Variants in TLL1 observed in about 807,000 individuals in gnomAD.
TLL1 encodes the protein tolloid-like protein 1.
In TLL1, 49 loss-of-function variants were observed where a neutral mutation model predicts 128.2. The ratio of observed to expected loss-of-function variants is 0.38; its 90% CI spans 0.30 to 0.48. The LOEUF (loss-of-function observed/expected upper bound fraction) is 0.48. Among genes scored for constraint, TLL1 ranks in the 20% least tolerant of loss-of-function variants. TLL1 has a pLI of 0.96. For missense variants in TLL1, 1,123 were observed against 1,242.0 expected (o/e 0.90, Z 1.44); for synonymous variants, 454 against 418.8 (o/e 1.08, Z -1.03).
At chr4:166,026,852 A>G (rs2111072002) in intron 9 of TLL1, among the ~76,000 whole-genome samples, 1 of 152,330 alleles carries the variant, frequency 6.6e-6, no homozygotes, top group Non-Finnish European at 1.5e-5. Context: ...TGAGAGTAAA[A>G]GAATCTTTTG....
Position 165,873,688 on chromosome 4 carries a change from C to T in TLL1, c.-217C>T. 1 of 555,650 alleles carries T rather than the reference C, an allele frequency of 1.8e-6. No individual in the cohort carries two copies. The highest frequency in any genetic ancestry group is 3.2e-6 in the Non-Finnish European group (1 of 311,406). The allele number at this position is 555,650 out of a possible 1,614,324, so 34.4% of individuals were successfully genotyped here. On this transcript the variant is annotated 5_prime_UTR_variant, in exon 1 of 21. Coordinates refer to ENST00000061240, the MANE Select transcript of TLL1 (RefSeq NM_012464.5). ...CCTCCGCCCACCCGTGGGCCCCTAG[C>T]CAACTTCTCCCTGCGACTGGGGGTA...
intron 1 of TLL1, among the ~76,000 whole-genome samples, chr4:165,911,751 T>C (rs1488896415): frequency 6.6e-6 from 1 of 152,234 alleles, no homozygotes; most frequent in Non-Finnish European, 1.5e-5. Context: ...ATTTCATTCA[T>C]AAAATGCATT....
In TLL1 at chr4:166,012,256, G is replaced by A. The variant is rs1737730319; in HGVS notation, c.918-2180G>A. Among the ~76,000 whole-genome samples, 3 of 151,600 alleles carry A rather than the reference G, an allele frequency of 2.0e-5. No homozygotes were observed. In the South Asian group the frequency reaches 6.2e-4, roughly 31 times the overall value. On this transcript the variant is annotated intron_variant, in intron 7 of 20. Transcript: ENST00000061240. ...TGCCTATTGATAGTGGCTCACTGAG[G>A]AGGTTCAGTAAGATTTTGCATTGCT...
At chr4:165,929,626 G>A (rs1411337783) in intron 1 of TLL1, among the ~76,000 whole-genome samples, 2 of 152,086 alleles carry the variant, frequency 1.3e-5, no homozygotes, top group South Asian at 2.1e-4. Flanking sequence ...AAGTGGAATA[G>A]CTCTGTTGGT....
intron 8 of TLL1, among the ~76,000 whole-genome samples, chr4:166,019,040 G>A (rs1294019876): frequency 6.6e-6 from 1 of 152,100 alleles, no homozygotes; most frequent in Non-Finnish European, 1.5e-5. Context: ...AATAGCAAAG[G>A]CATGGAATCA....
intron 8 of TLL1, among the ~76,000 whole-genome samples, chr4:166,016,024 AAT>A (rs1737926079): frequency 6.6e-6 from 1 of 151,960 alleles, no homozygotes; most frequent in African/African-American, 2.4e-5. Flanking sequence ...TTTGTGTATA[AAT>A]ATATGTCTGC....
intron 7 of TLL1, among the ~76,000 whole-genome samples, chr4:166,012,811 A>C (rs1030030866): frequency 6.6e-6 from 1 of 151,640 alleles, no homozygotes; most frequent in Non-Finnish European, 1.5e-5. Context: ...GTACATATGG[A>C]GTTCTGTAGA....
chr4:165,899,461 G>A (rs949676458), intron 1 of TLL1, among the ~76,000 whole-genome samples: 2 of 152,092 alleles, frequency 1.3e-5, no homozygotes, highest in African/African-American at 4.8e-5. Flanking sequence ...ATTTATTTCT[G>A]CCTTAATTTC....
rs115406238 is a variant in TLL1, at chr4:166,001,495, C to T, written c.633-1896C>T. On this transcript the variant is annotated intron_variant, in intron 5 of 20. Transcript: ENST00000061240. ...AACTTCTATATTTTGGATAGAAAAACATCATTTTTTCTATCCATTGAGGCT... is the reference window on the plus strand; with the variant it reads ...AACTTCTATATTTTGGATAGAAAAATATCATTTTTTCTATCCATTGAGGCT... Among the ~76,000 whole-genome samples the T allele has an allele frequency of 2.7e-3, 409 of 151,952 alleles. 4 individuals are homozygous for T. The highest frequency in any genetic ancestry group is 9.2e-3 in the African/African-American group (382 of 41,470).
At chr4:165,992,739 CTG>C in intron 2 of TLL1, 63 bp from the exon 3 acceptor site, 1 of 1,415,946 alleles carries the variant, frequency 7.1e-7, no homozygotes. Context: ...TTGCCTATGA[CTG>C]TTTTTTATTT....
intron 1 of TLL1, among the ~76,000 whole-genome samples, chr4:165,915,857 C>T (rs1732754605): frequency 6.6e-6 from 1 of 152,184 alleles, no homozygotes; most frequent in Non-Finnish European, 1.5e-5. Flanking sequence ...TATGAAAGCT[C>T]ATTCCAGTTT....
chr4:165,972,254 T>C (rs149505892), intron 1 of TLL1, among the ~76,000 whole-genome samples: 150 of 152,312 alleles, frequency 9.8e-4, no homozygotes, highest in African/African-American at 3.5e-3. Flanking sequence ...CCATGAAAGC[T>C]CTTTGATTTT....
At chr4:166,057,655 A>G (rs528162329) in intron 14 of TLL1, among the ~76,000 whole-genome samples, 2 of 152,084 alleles carry the variant, frequency 1.3e-5, no homozygotes, top group African/African-American at 4.8e-5. Context: ...GATTTAATGG[A>G]CTCACAGTTC....
At chr4:165,877,841 A>C (rs1730790654) in intron 1 of TLL1, among the ~76,000 whole-genome samples, 1 of 151,508 alleles carries the variant, frequency 6.6e-6, no homozygotes, top group Non-Finnish European at 1.5e-5. Context: ...TTGTAAATAG[A>C]ATATCTAATA....
intron 1 of TLL1, among the ~76,000 whole-genome samples, chr4:165,957,778 C>G (rs538203566): frequency 3.3e-5 from 5 of 149,998 alleles, no homozygotes; most frequent in Non-Finnish European, 7.4e-5. Flanking sequence ...TAGTTACATA[C>G]GTATACATGT....
At chr4:165,970,614 C>T (rs1170482616) in intron 1 of TLL1, among the ~76,000 whole-genome samples, 3 of 151,952 alleles carry the variant, frequency 2.0e-5, no homozygotes, top group Non-Finnish European at 4.4e-5. Context: ...AAGAGTCTTT[C>T]CCTTTACTTT....
chr4:166,018,264 CTCTA>C, intron 8 of TLL1, among the ~76,000 whole-genome samples: 1 of 152,144 alleles, frequency 6.6e-6, no homozygotes, highest in Non-Finnish European at 1.5e-5. Flanking sequence ...TGAAACTGGA[CTCTA>C]TCTTTCACCG....
At chr4:166,003,679 T>C (rs1306335668) in intron 6 of TLL1, 110 bp downstream of exon 6, 14 of 1,125,540 alleles carry the variant, frequency 1.2e-5, no homozygotes, top group Non-Finnish European at 1.9e-5. Flanking sequence ...ATTTTTGATA[T>C]GATAGAGTAA....
At chr4:165,955,919 A>C (rs1734765060) in intron 1 of TLL1, among the ~76,000 whole-genome samples, 10 of 152,108 alleles carry the variant, frequency 6.6e-5, no homozygotes, top group Admixed American at 6.6e-4. Context: ...GTACCAAGAG[A>C]GGAATTTTAC....
Sources: gnomAD v4.1 joint callset for allele counts (sites outside exome capture counted in the v4.1 genomes callset) on GRCh38, gnomAD v4.1.1 for gene constraint, MANE v1.5 for transcripts, NCBI Gene and HGNC (gene_info 2026-07-23, HGNC 2026-07-21) for gene names.